IPO11: variants seen among roughly 807,000 people sequenced by gnomAD.
The protein encoded by IPO11 is importin-11.
In IPO11, 66 loss-of-function variants were observed where a neutral mutation model predicts 143.2. That is an observed-to-expected ratio of 0.46 (90% CI 0.38 to 0.57). The LOEUF is 0.57. Ranked by LOEUF, IPO11 falls within the 20% of genes least tolerant of loss-of-function variation. The pLI is 0.00. For synonymous variants in IPO11, 385 were observed against 377.8 expected (o/e 1.02, Z -0.22); for missense variants, 1,026 against 1,141.0 (o/e 0.90, Z 1.45).
At position 62,426,288 on chromosome 5, in the gene IPO11, G is replaced by T. The variant is rs551261753; in HGVS notation, c.-6-10986G>T. 2.6e-5 allele frequency among the ~76,000 whole-genome samples: 4 copies of T among 152,316 alleles called. No individual in the cohort carries two copies. The East Asian group carries it at 7.7e-4, about 29-fold the overall frequency. On this transcript the variant is annotated intron_variant, in intron 1 of 29. Transcript: ENST00000325324. ...TGTAATCCCAGCTACTTGGGAGGCT[G>T]AGGCAGGAGATTTGCTTGAACCCGG... is the stretch of plus-strand genomic sequence containing the variant.
At chr5:62,463,682 A>AAG (rs1233787673) in intron 5 of IPO11, among the ~76,000 whole-genome samples, 2 of 151,916 alleles carry the variant, frequency 1.3e-5, no homozygotes, top group African/African-American at 4.8e-5. Context: ...CAAAAAAAAA[A>AAG]AAAAGTTTAA....
chr5:62,450,668 A>G (rs1744883081), intron 4 of IPO11, among the ~76,000 whole-genome samples: 1 of 151,760 alleles, frequency 6.6e-6, no homozygotes, highest in African/African-American at 2.4e-5. Flanking sequence ...CCATTTAAAA[A>G]AAAAAAAAAC....
At position 62,490,165 on chromosome 5, in the gene IPO11, T is replaced by A; in HGVS notation, c.1408T>A (p.Phe470Ile). The part of the protein sequence containing the change: ...AAYELFDSVD[F>I]DQWFKNQLLP... ...TTATGAGCTCTTTGACAGTGTTGAT[T>A]TTGATCAGTGGTTTAAAAACCAGCT... Residue 470 changes from phenylalanine to isoleucine, a missense_variant, in exon 15 of 30, where the codon TTT becomes ATT. By Grantham distance (21) the Phe-to-Ile change is conservative. Coordinates refer to ENST00000325324, the MANE Select transcript of IPO11 (RefSeq NM_016338.5). 1 of 1,606,454 alleles carries A rather than the reference T, an allele frequency of 6.2e-7. No individual in the cohort carries two copies. Among genetic ancestry groups the A allele is most frequent in the Non-Finnish European group, 8.5e-7 (1 of 1,176,238 alleles).
chr5:62,493,048 A>T (rs142730250), intron 15 of IPO11, among the ~76,000 whole-genome samples: 16 of 152,204 alleles, frequency 1.1e-4, no homozygotes, highest in African/African-American at 1.7e-4. Context: ...CCTTACCTGA[A>T]CTTTGATTTC....
At chr5:62,501,560 TCTGGTC>T (rs1236656668) in intron 16 of IPO11, among the ~76,000 whole-genome samples, 2 of 152,212 alleles carry the variant, frequency 1.3e-5, no homozygotes, top group African/African-American at 4.8e-5. Context: ...TTATTTTATC[TCTGGTC>T]CTTGATTCAG....
chr5:62,622,066 A>G (rs1323366469), intron 29 of IPO11, among the ~76,000 whole-genome samples: 13 of 151,920 alleles, frequency 8.6e-5, no homozygotes, highest in Admixed American at 7.2e-4. Context: ...TAAGTGTTAC[A>G]TGTTTTCTTT....
rs1397237987 is a variant in IPO11 at position 62,580,242 on chromosome 5, T to C, written c.2583-11335T>C. The C allele has an allele frequency of 3.2e-6, 5 of 1,548,400 alleles. No individual in the cohort carries two copies. In the East Asian group the frequency reaches 9.8e-5, roughly 30 times the overall value. ...AAAATTCAAGAATTAGGAATGTTAC[T>C]AGGGATGGGTTTAGTGGAATTAATA... is the stretch of plus-strand genomic sequence containing the variant. On this transcript the variant is annotated intron_variant, in intron 27 of 29. Coordinates refer to ENST00000325324, the MANE Select transcript of IPO11 (RefSeq NM_016338.5).
chr5:62,621,874 A>AGTTTAGTGCGCTTCT (rs1746391175), intron 29 of IPO11, among the ~76,000 whole-genome samples: 1 of 152,098 alleles, frequency 6.6e-6, no homozygotes, highest in Non-Finnish European at 1.5e-5. Flanking sequence ...GAGTCAAACA[A>AGTTTAGTGCGCTTCT]TGATTAAAAA....
intron 22 of IPO11, among the ~76,000 whole-genome samples, 156 bp downstream of exon 22, chr5:62,530,941 G>C (rs564589009): frequency 3.4e-4 from 52 of 152,304 alleles, no homozygotes; most frequent in African/African-American, 1.1e-3. Context: ...TGGATATATT[G>C]CGTGATGTTG....
At position 62,483,154 on chromosome 5, in the gene IPO11, A is replaced by G. The variant is rs751548188; in HGVS notation, c.882A>G (p.Arg294=). 21 of 1,609,956 alleles carry G rather than the reference A, an allele frequency of 1.3e-5. No individual in the cohort carries two copies. The highest frequency in any genetic ancestry group is 1.7e-5 in the Non-Finnish European group (20 of 1,177,350). ...HPFSFTPLIQ[R]SLEFSVSYVF... is the part of the protein sequence containing the mutation. ...TTTCATTTACTCCTCTAATTCAGAGATCACTGGAATTTTCTGTAAGCTATG... is the reference window on the plus strand; with the variant it reads ...TTTCATTTACTCCTCTAATTCAGAGGTCACTGGAATTTTCTGTAAGCTATG... The change falls in exon 10 of 30, where the codon AGA becomes AGG. Residue 294 remains arginine (R), a synonymous_variant. Coordinates refer to ENST00000325324, the MANE Select transcript of IPO11 (RefSeq NM_016338.5).
chr5:62,553,346 G>T (rs1582555), intron 26 of IPO11, among the ~76,000 whole-genome samples: 2,495 of 150,106 alleles, frequency 0.017, 55 homozygotes, highest in Non-Finnish European at 0.022. Flanking sequence ...GTGTGTGTGT[G>T]TGTGTGTGTG....
intron 2 of IPO11, among the ~76,000 whole-genome samples, chr5:62,439,530 G>A (rs1003589361): frequency 1.3e-5 from 2 of 151,208 alleles, no homozygotes; most frequent in East Asian, 1.9e-4. Flanking sequence ...CTTGTGATCC[G>A]CCCGCCTTGG....
chr5:62,543,554 C>T (rs998670073), intron 24 of IPO11, among the ~76,000 whole-genome samples: 4 of 152,056 alleles, frequency 2.6e-5, no homozygotes, highest in Non-Finnish European at 4.4e-5. Context: ...TTTTTTATCA[C>T]GTCTGTTTGA....
intron 3 of IPO11, among the ~76,000 whole-genome samples, chr5:62,447,773 GAC>G (rs1349978917): frequency 6.8e-6 from 1 of 146,900 alleles, no homozygotes; most frequent in Non-Finnish European, 1.5e-5. Context: ...TTTTGGTAGA[GAC>G]AGGGTTTCGC....
intron 27 of IPO11, among the ~76,000 whole-genome samples, chr5:62,581,790 A>G (rs900069990): frequency 2.0e-5 from 3 of 152,132 alleles, no homozygotes; most frequent in Non-Finnish European, 2.9e-5. Context: ...AATTTAGAGG[A>G]GGAGATATAT....
chr5:62,445,886 G>GTC (rs1432105784), intron 3 of IPO11, among the ~76,000 whole-genome samples: 1 of 152,122 alleles, frequency 6.6e-6, no homozygotes, highest in East Asian at 1.9e-4. Flanking sequence ...TTGATAGATA[G>GTC]TCATTGTACA....
chr5:62,496,238 A>G (rs1374867751), intron 16 of IPO11, among the ~76,000 whole-genome samples: 3 of 151,574 alleles, frequency 2.0e-5, no homozygotes, highest in Admixed American at 6.6e-5. Context: ...CAGTGAGCCG[A>G]GATTGCCCCA....
intron 5 of IPO11, among the ~76,000 whole-genome samples, chr5:62,452,664 T>C (rs970485579): frequency 7.0e-6 from 1 of 142,652 alleles, no homozygotes; most frequent in Admixed American, 7.1e-5. Context: ...TTTGGGTTCG[T>C]GTGTGTGTGT....
chr5:62,483,345 A>G (rs745836803), intron 10 of IPO11, 52 bp downstream of exon 10: 1 of 1,017,882 alleles, frequency 9.8e-7, no homozygotes, highest in East Asian at 2.7e-5. Flanking sequence ...TAAGTGTGAT[A>G]TAATTGCTAT....
Sources: allele counts gnomAD v4.1 joint callset (sites outside exome capture counted in the v4.1 genomes callset), GRCh38; gene constraint gnomAD v4.1.1; transcripts MANE v1.5; gene names NCBI Gene and HGNC (gene_info 2026-07-23, HGNC 2026-07-21).